HTR2C: variants seen among roughly 807,000 people sequenced by gnomAD.
HTR2C encodes the protein 5-hydroxytryptamine receptor 2C, also known as 5-hydroxytryptamine (serotonin) receptor 2C, G protein-coupled.
Under a neutral mutation model 21.0 loss-of-function variants are expected in HTR2C, and 5 were observed. The observed-to-expected ratio is 0.24, with a 90% CI of 0.12 to 0.50. HTR2C has a LOEUF of 0.50. Among genes scored for constraint, HTR2C ranks in the 20% least tolerant of loss-of-function variants. The pLI is 0.98. For synonymous variants in HTR2C, 150 were observed against 145.3 expected, an observed-to-expected ratio of 1.03 and a Z score of -0.23; for missense variants, 271 against 371.2, an observed-to-expected ratio of 0.73 and a Z score of 2.22.
chrX:114,756,127 AC>A (rs200735387), intron 4 of HTR2C, among the ~76,000 whole-genome samples: 2 of 104,399 alleles, frequency 1.9e-5, no homozygotes, highest in East Asian at 6.1e-4. Flanking sequence ...ATACAAAACA[AC>A]CCCCCCCAAA....
intron 2 of HTR2C, among the ~76,000 whole-genome samples, chrX:114,716,705 A>G (rs1933004780): frequency 8.9e-6 from 1 of 111,957 alleles, no homozygotes; most frequent in Admixed American, 9.5e-5. Context: ...TAGTATGACA[A>G]ATGTATGATT....
At chrX:114,805,020 C>T (rs782276829) in intron 4 of HTR2C, among the ~76,000 whole-genome samples, 7 of 111,314 alleles carry the variant, frequency 6.3e-5, no homozygotes, top group Non-Finnish European at 9.4e-5. Flanking sequence ...GTCCTGGGAA[C>T]GAAATATAAA....
chrX:114,692,211 A>G (rs906109314), intron 2 of HTR2C, among the ~76,000 whole-genome samples: 1 of 111,564 alleles, frequency 9.0e-6, no homozygotes, highest in African/African-American at 3.2e-5. Context: ...ATCATTACTG[A>G]ACATTATCAC....
intron 4 of HTR2C, among the ~76,000 whole-genome samples, chrX:114,749,463 A>G (rs113650069): frequency 9.5e-6 from 1 of 105,807 alleles, no homozygotes; most frequent in Middle Eastern, 4.9e-3. Flanking sequence ...CAAAAAAAAA[A>G]AAAAAAAAAA....
chrX:114,802,912 T>G (rs1425927935), intron 4 of HTR2C, among the ~76,000 whole-genome samples: 5 of 64,569 alleles, frequency 7.7e-5, no homozygotes, highest in Non-Finnish European at 1.3e-4. Flanking sequence ...CCCCAGAGTG[T>G]GATGTTCCCC....
intron 5 of HTR2C, among the ~76,000 whole-genome samples, chrX:114,886,013 C>T (rs2071217623): frequency 9.0e-6 from 1 of 110,972 alleles, no homozygotes; most frequent in Admixed American, 9.6e-5. Context: ...TCCATTTTCA[C>T]TTCATGCATT....
At chrX:114,889,308 T>C (rs2071242493) in intron 5 of HTR2C, among the ~76,000 whole-genome samples, 1 of 111,932 alleles carries the variant, frequency 8.9e-6, no homozygotes, top group Non-Finnish European at 1.9e-5. Context: ...AGGAGTTCTG[T>C]GTTGCTGTTG....
At chrX:114,823,509 GA>G (rs1556457119) in intron 4 of HTR2C, 2 of 347,510 alleles carry the variant, frequency 5.8e-6, no homozygotes, top group South Asian at 5.1e-5. Flanking sequence ...TTTCATATAA[GA>G]GGGGGCTGGC....
intron 4 of HTR2C, among the ~76,000 whole-genome samples, chrX:114,766,837 A>T (rs2069951599): frequency 9.0e-6 from 1 of 111,701 alleles, no homozygotes; most frequent in Non-Finnish European, 1.9e-5. Context: ...GTTATTCTGC[A>T]TTCAAAATGT....
chrX:114,908,420 T>C lies in HTR2C; in HGVS notation c.*1005T>C, dbSNP rs1157558159. The C allele has an allele frequency of 8.9e-6, 1 of 111,944 alleles. No homozygotes were observed. The highest frequency in any genetic ancestry group is 1.9e-5 in the Non-Finnish European group (1 of 53,125). The allele number at this position is 111,944 out of a possible 1,213,427, so 9.2% of individuals were successfully genotyped here. A position where few individuals can be genotyped will look rare whatever the true frequency, so the allele number is the denominator to read the frequency against. On this transcript the variant is annotated 3_prime_UTR_variant, in exon 6 of 6. Coordinates refer to ENST00000276198, the MANE Select transcript of HTR2C (RefSeq NM_000868.4). Reference sequence around the variant, plus strand: ...TAGCAGTCCATTTTTGAGTAAAACTTGTATTGGAAGTATAGATGGTAGAAA... The same window carrying C: ...TAGCAGTCCATTTTTGAGTAAAACTCGTATTGGAAGTATAGATGGTAGAAA...
At chrX:114,584,930 G>C (rs1192848537) in intron 1 of HTR2C, among the ~76,000 whole-genome samples, 1 of 105,187 alleles carries the variant, frequency 9.5e-6, no homozygotes, top group Non-Finnish European at 2.0e-5. Flanking sequence ...GGGCGGAGGC[G>C]GGGGTCTAGA....
intron 4 of HTR2C, among the ~76,000 whole-genome samples, chrX:114,762,679 C>T (rs2069892876): frequency 8.9e-6 from 1 of 111,817 alleles, no homozygotes; most frequent in Admixed American, 9.5e-5. Context: ...GCCTAGCCAA[C>T]AATTTTTAAA....
chrX:114,867,798 G>A (rs2071057802), intron 5 of HTR2C, among the ~76,000 whole-genome samples: 1 of 111,268 alleles, frequency 9.0e-6, no homozygotes, highest in Non-Finnish European at 1.9e-5. Context: ...GTATCTTTGT[G>A]AAGAATGAGT....
At chrX:114,644,285 G>A (rs1035301662) in intron 2 of HTR2C, among the ~76,000 whole-genome samples, 9 of 99,476 alleles carry the variant, frequency 9.0e-5, no homozygotes, top group Admixed American at 1.1e-4. Context: ...GGTGGAGGTT[G>A]CAATGAGTAG....
intron 5 of HTR2C, among the ~76,000 whole-genome samples, chrX:114,862,708 G>A (rs782418559): frequency 9.0e-6 from 1 of 110,743 alleles, no homozygotes; most frequent in East Asian, 2.8e-4. Flanking sequence ...TGTGTAATGA[G>A]CAAATCAGGG....
At chrX:114,868,490 C>T (rs2071064475) in intron 5 of HTR2C, among the ~76,000 whole-genome samples, 1 of 110,680 alleles carries the variant, frequency 9.0e-6, no homozygotes, top group Non-Finnish European at 1.9e-5. Flanking sequence ...CTGGTACTGC[C>T]GATTCGTTGT....
At chrX:114,629,041 G>T (rs1556403597) in intron 2 of HTR2C, among the ~76,000 whole-genome samples, 6 of 111,986 alleles carry the variant, frequency 5.4e-5, no homozygotes, top group Admixed American at 9.5e-5. Flanking sequence ...CTAGTCACAT[G>T]TTATTTTTCC....
chrX:114,618,355 C>T (rs112460158), intron 2 of HTR2C, among the ~76,000 whole-genome samples: 1 of 111,892 alleles, frequency 8.9e-6, no homozygotes, highest in African/African-American at 3.2e-5. Context: ...ACATGTTCAT[C>T]CATATTAGAT....
intron 2 of HTR2C, among the ~76,000 whole-genome samples, chrX:114,722,987 G>T (rs1177141947): frequency 1.3e-4 from 14 of 111,208 alleles, no homozygotes; most frequent in African/African-American, 4.6e-4. Flanking sequence ...TTTTTTGGTT[G>T]TGTCTCTGCC....
Sources: gnomAD v4.1 joint callset for allele counts (sites outside exome capture counted in the v4.1 genomes callset) on GRCh38, gnomAD v4.1.1 for gene constraint, MANE v1.5 for transcripts, NCBI Gene and HGNC (gene_info 2026-07-23, HGNC 2026-07-21) for gene names.